AP4E1: variants seen among roughly 807,000 people sequenced by gnomAD.
The protein encoded by AP4E1 is adaptor related protein complex 4 subunit epsilon 1.
Under a neutral mutation model 128.2 loss-of-function variants are expected in AP4E1, and 56 were observed. The ratio of observed to expected loss-of-function variants is 0.44; its 90% CI spans 0.35 to 0.55. The LOEUF is 0.55. Among genes scored for constraint, AP4E1 ranks in the 20% least tolerant of loss-of-function variants. The pLI, the probability that AP4E1 is intolerant of heterozygous loss-of-function variation, is 0.00. For synonymous variants in AP4E1, 484 were observed against 473.1 expected (o/e 1.02, Z -0.30); for missense variants, 1,324 against 1,307.7 (o/e 1.01, Z -0.19).
intron 14 of AP4E1, among the ~76,000 whole-genome samples, chr15:50,961,326 A>G (rs1218117298): frequency 6.6e-6 from 1 of 152,140 alleles, no homozygotes; most frequent in African/African-American, 2.4e-5. Flanking sequence ...ACAAGCCAGT[A>G]TCCCAGATGA....
At chr15:50,978,769 T>C (rs967988955) in intron 15 of AP4E1, among the ~76,000 whole-genome samples, 2 of 152,224 alleles carry the variant, frequency 1.3e-5, no homozygotes, top group Non-Finnish European at 2.9e-5. Flanking sequence ...TCTTTCTGCA[T>C]ACCATTTTTC....
chr15:50,980,581 T>C (rs975754757), intron 15 of AP4E1, among the ~76,000 whole-genome samples: 3 of 152,120 alleles, frequency 2.0e-5, no homozygotes, highest in Non-Finnish European at 4.4e-5. Flanking sequence ...TTATTACAGA[T>C]AGAAATGATC....
At chr15:50,984,619 C>T (rs1311516291) in intron 16 of AP4E1, among the ~76,000 whole-genome samples, 1 of 151,848 alleles carries the variant, frequency 6.6e-6, no homozygotes, top group African/African-American at 2.4e-5. Context: ...CATCCGTGTC[C>T]CTACAAAGGA....
chr15:50,922,584 C>G (rs1318921470), intron 3 of AP4E1, among the ~76,000 whole-genome samples: 5 of 152,056 alleles, frequency 3.3e-5, no homozygotes, highest in African/African-American at 1.2e-4. Flanking sequence ...ATTAGAATCC[C>G]TGATGAAAAG....
chr15:50,978,599 T>C (rs1171530275), intron 15 of AP4E1, among the ~76,000 whole-genome samples: 1 of 152,194 alleles, frequency 6.6e-6, no homozygotes, highest in Non-Finnish European at 1.5e-5. Flanking sequence ...GTTTATACTT[T>C]ATTATGTCTC....
At chr15:50,920,578 T>G (rs1350442343) in intron 3 of AP4E1, among the ~76,000 whole-genome samples, 1 of 151,590 alleles carries the variant, frequency 6.6e-6, no homozygotes, top group Non-Finnish European at 1.5e-5. Context: ...GGCTAATTTT[T>G]TGGTAGGGAC....
intron 1 of AP4E1, among the ~76,000 whole-genome samples, chr15:50,910,422 C>G (rs1000697782): frequency 6.6e-6 from 1 of 152,182 alleles, no homozygotes; most frequent in Non-Finnish European, 1.5e-5. Context: ...GTGTTAGACA[C>G]AGGAAAATAG....
At chr15:50,924,951 C>A in intron 4 of AP4E1, 147 bp from the exon 5 acceptor site, 1 of 953,658 alleles carries the variant, frequency 1.0e-6, no homozygotes, top group Non-Finnish European at 1.6e-6. Flanking sequence ...AGGAGCATTG[C>A]AATAAAATAT....
chr15:51,000,717 T>A (rs1163562467), intron 19 of AP4E1, among the ~76,000 whole-genome samples: 1 of 152,206 alleles, frequency 6.6e-6, no homozygotes, highest in East Asian at 1.9e-4. Context: ...AAAGAAAAGT[T>A]CTGTATTATA....
rs546627510 is a variant in AP4E1 at position 50,929,114 on chromosome 15, C to T, written c.648C>T (p.Asp216=). The T allele has an allele frequency of 3.7e-6, 6 of 1,613,828 alleles. No homozygotes were observed. In the South Asian group the frequency reaches 5.5e-5, roughly 15 times the overall value. Residue 216 remains aspartate, a synonymous_variant, in exon 6 of 21, where the codon GAC becomes GAT. Coordinates refer to ENST00000261842, the MANE Select transcript of AP4E1 (RefSeq NM_007347.5). ...TTAAGTTTCGGAAAGCACTTTGTGA[C>T]AGAGATGTTGGGGTCATGGCTGCCT... ...IHIKFRKALC[D]RDVGVMAASL... is the part of the protein sequence containing the mutation.
At chr15:50,920,108 G>C (rs1227541648) in intron 3 of AP4E1, among the ~76,000 whole-genome samples, 4 of 86,420 alleles carry the variant, frequency 4.6e-5, no homozygotes, top group Non-Finnish European at 9.5e-5. Context: ...TAAAATTTAT[G>C]CCTTTTTTTT....
chr15:50,946,048 T>C (rs1171283943), intron 10 of AP4E1: 1 of 759,170 alleles, frequency 1.3e-6, no homozygotes, highest in Non-Finnish European at 2.2e-6. Context: ...ACTTTTGATT[T>C]GAGAACTCTA....
intron 1 of AP4E1, among the ~76,000 whole-genome samples, chr15:50,911,644 A>G (rs1048428812): frequency 1.5e-5 from 2 of 137,356 alleles, no homozygotes; most frequent in Admixed American, 7.6e-5. Context: ...CCCCCAGCTA[A>G]TGTTTGTATT....
chr15:50,971,930 C>A (rs1228447525), intron 15 of AP4E1, among the ~76,000 whole-genome samples: 2 of 151,880 alleles, frequency 1.3e-5, no homozygotes, highest in African/African-American at 4.8e-5. Context: ...TTTTGAATTC[C>A]TTTTCTGGAA....
chr15:50,942,563 G>C (rs1351515511), intron 10 of AP4E1, among the ~76,000 whole-genome samples: 1 of 150,374 alleles, frequency 6.7e-6, no homozygotes, highest in Admixed American at 6.6e-5. Flanking sequence ...TGAACTTCTT[G>C]GAAGGAAAGG....
chr15:50,931,721 C>T (rs915839772), intron 7 of AP4E1, among the ~76,000 whole-genome samples: 1 of 152,054 alleles, frequency 6.6e-6, no homozygotes, highest in East Asian at 1.9e-4. Flanking sequence ...AATCTCAAAT[C>T]GGCACATCAT....
Position 50,997,547 on chromosome 15 carries a change from G to C in AP4E1, c.2568G>C (p.Glu856Asp). The C allele has an allele frequency of 2.5e-6, 4 of 1,614,062 alleles. No homozygotes were observed. Among genetic ancestry groups the C allele is most frequent in the Non-Finnish European group, 2.5e-6 (3 of 1,179,978 alleles). Residue 856 changes from glutamate (E) to aspartate (D), a missense_variant, in exon 18 of 21, where the codon GAG (glutamate) becomes GAC (aspartate). Physicochemically the swap from Glu to Asp is conservative, Grantham distance 45 (BLOSUM62 2). Coordinates refer to ENST00000261842, the MANE Select transcript of AP4E1 (RefSeq NM_007347.5). Reference sequence around the variant, plus strand: ...TCACTTCAGAACTTTTGGATTCTGAGTCACTCACAGAACTGCCCTTGGTTG... The same window carrying C: ...TCACTTCAGAACTTTTGGATTCTGACTCACTCACAGAACTGCCCTTGGTTG... The part of the protein sequence containing the change: ...FSLTSELLDS[E>D]SLTELPLVEK...
At chr15:50,917,752 C>G (rs1309565966) in intron 3 of AP4E1, among the ~76,000 whole-genome samples, 1 of 152,124 alleles carries the variant, frequency 6.6e-6, no homozygotes, top group African/African-American at 2.4e-5. Context: ...GAATAACTTA[C>G]ATTTTGAGGA....
intron 15 of AP4E1, among the ~76,000 whole-genome samples, chr15:50,970,843 A>G (rs2064468733): frequency 6.6e-6 from 1 of 152,086 alleles, no homozygotes; most frequent in African/African-American, 2.4e-5. Context: ...AAGTGGGGGA[A>G]TTTGATCCAT....
Sources: gnomAD v4.1 joint callset for allele counts (sites outside exome capture counted in the v4.1 genomes callset) on GRCh38, gnomAD v4.1.1 for gene constraint, MANE v1.5 for transcripts, NCBI Gene and HGNC (gene_info 2026-07-23, HGNC 2026-07-21) for gene names.